CSMD1: variants seen among roughly 807,000 people sequenced by gnomAD.
CSMD1 encodes CUB and sushi domain-containing protein 1.
In CSMD1, 213 loss-of-function variants were observed where a neutral mutation model predicts 417.5. The observed-to-expected ratio is 0.51, with a 90% CI of 0.46 to 0.57. CSMD1 has a LOEUF of 0.57. Among genes scored for constraint, CSMD1 ranks in the 20% least tolerant of loss-of-function variants. The probability of loss-of-function intolerance (pLI) is 0.00; values close to 1 mark genes in which losing one functional copy is unlikely to be tolerated. For synonymous variants in CSMD1, 2,862 were observed against 1,736.8 expected (o/e 1.65, Z -16.11); for missense variants, 6,923 against 4,529.7 (o/e 1.53, Z -15.17).
intron 1 of CSMD1, among the ~76,000 whole-genome samples, chr8:4,959,967 T>G (rs1585411072): frequency 6.6e-6 from 1 of 152,184 alleles, no homozygotes; most frequent in African/African-American, 2.4e-5. Context: ...AATAGGAAAA[T>G]GTATTTTGTT....
At chr8:4,450,613 G>C (rs1002127225) in intron 2 of CSMD1, among the ~76,000 whole-genome samples, 4 of 152,096 alleles carry the variant, frequency 2.6e-5, no homozygotes, top group Non-Finnish European at 5.9e-5. Context: ...CCTGGTAACA[G>C]AGTGACACTC....
chr8:3,639,645 C>G (rs1380851061), intron 7 of CSMD1, among the ~76,000 whole-genome samples: 3 of 152,190 alleles, frequency 2.0e-5, no homozygotes, highest in Non-Finnish European at 2.9e-5. Flanking sequence ...CTCATTTGAA[C>G]ACTGTATCAA....
At chr8:4,553,842 G>T (rs1175372004) in intron 2 of CSMD1, among the ~76,000 whole-genome samples, 2 of 152,130 alleles carry the variant, frequency 1.3e-5, no homozygotes, top group Non-Finnish European at 2.9e-5. Context: ...TGGGTTAGCT[G>T]GGAAGACACA....
intron 1 of CSMD1, among the ~76,000 whole-genome samples, chr8:4,724,348 C>T (rs1472784038): frequency 6.6e-6 from 1 of 151,872 alleles, no homozygotes; most frequent in African/African-American, 2.4e-5. Context: ...CTAATAATGC[C>T]CATTAAAATA....
chr8:4,765,330 C>A (rs1251475116), intron 1 of CSMD1, among the ~76,000 whole-genome samples: 1 of 152,174 alleles, frequency 6.6e-6, no homozygotes, highest in African/African-American at 2.4e-5. Flanking sequence ...TGACTGGGAT[C>A]ATTTTCACTT....
intron 1 of CSMD1, among the ~76,000 whole-genome samples, chr8:4,757,034 T>C (rs569704192): frequency 3.3e-5 from 5 of 152,354 alleles, no homozygotes; most frequent in South Asian, 4.1e-4. Context: ...TTATACAATA[T>C]GCAGGAATGC....
intron 5 of CSMD1, among the ~76,000 whole-genome samples, chr8:3,885,295 T>C (rs1563177412): frequency 6.6e-6 from 1 of 152,172 alleles, no homozygotes; most frequent in Non-Finnish European, 1.5e-5. Context: ...AGAATCAATC[T>C]GACCTTTTCA....
intron 12 of CSMD1, among the ~76,000 whole-genome samples, chr8:3,444,421 T>C (rs1038707885): frequency 2.0e-5 from 3 of 152,214 alleles, no homozygotes; most frequent in Non-Finnish European, 4.4e-5. Flanking sequence ...TCATGAGTTC[T>C]TTCCTAACAA....
intron 3 of CSMD1, among the ~76,000 whole-genome samples, chr8:4,239,777 C>G (rs148699204): frequency 8.5e-5 from 13 of 152,124 alleles, no homozygotes; most frequent in African/African-American, 3.1e-4. Context: ...CTATCTTTCA[C>G]GTTAGTTCCA....
intron 28 of CSMD1, among the ~76,000 whole-genome samples, chr8:3,220,248 A>G (rs1471751123): frequency 2.0e-5 from 3 of 150,226 alleles, no homozygotes; most frequent in Non-Finnish European, 4.4e-5. Flanking sequence ...ATGTTTCACC[A>G]TCACTGAATA....
intron 1 of CSMD1, among the ~76,000 whole-genome samples, chr8:4,815,345 CTGTGGACAGAGCCAGCT>C (rs1799143583): frequency 6.6e-6 from 1 of 152,156 alleles, no homozygotes; most frequent in Non-Finnish European, 1.5e-5. Flanking sequence ...CACAGTCCCA[CTGTGGACAGAGCCAGCT>C]TGTGGACACG....
In CSMD1 at chr8:3,459,319, G is replaced by C. The variant is rs1011535210; in HGVS notation, c.1561+9393C>G. Among the ~76,000 whole-genome samples, 7 of 152,160 alleles carry C rather than the reference G, an allele frequency of 4.6e-5. No homozygotes were observed. The Middle Eastern group carries it at 9.5e-3, about 206-fold the overall frequency. ...GGCCGGTGTGTCCCTCACCCTGCTG[G>C]CTGACGTGGGGCACAGGGTACACAA... On this transcript the variant is annotated intron_variant, in intron 12 of 69. Coordinates refer to ENST00000635120, the MANE Select transcript of CSMD1 (RefSeq NM_033225.6).
intron 3 of CSMD1, among the ~76,000 whole-genome samples, chr8:4,295,236 GCA>G (rs1797603221): frequency 9.2e-6 from 1 of 108,246 alleles, no homozygotes; most frequent in African/African-American, 3.1e-5. Flanking sequence ...AAGATTATAT[GCA>G]CATATAATCT....
At chr8:4,319,662 G>A (rs186662916) in intron 3 of CSMD1, among the ~76,000 whole-genome samples, 6 of 152,176 alleles carry the variant, frequency 3.9e-5, no homozygotes, top group Middle Eastern at 3.4e-3. Flanking sequence ...GGAAAGAGAG[G>A]CCAGGGAACA....
intron 21 of CSMD1, among the ~76,000 whole-genome samples, chr8:3,351,824 T>G (rs914502371): frequency 6.6e-6 from 1 of 150,670 alleles, no homozygotes; most frequent in African/African-American, 2.4e-5. Flanking sequence ...ACTATTTAAT[T>G]TATATTTTAG....
At chr8:3,739,161 T>G (rs1796672325) in intron 6 of CSMD1, among the ~76,000 whole-genome samples, 1 of 152,202 alleles carries the variant, frequency 6.6e-6, no homozygotes, top group African/African-American at 2.4e-5. Flanking sequence ...ATGTTTGCAG[T>G]TAAAGTATCT....
chr8:3,717,578 T>C (rs1336644969), intron 6 of CSMD1, among the ~76,000 whole-genome samples: 1 of 152,166 alleles, frequency 6.6e-6, no homozygotes, highest in South Asian at 2.1e-4. Flanking sequence ...AATTTTTAAA[T>C]AATCAAGAAG....
chr8:3,398,757 G>C (rs1811853502), intron 16 of CSMD1, among the ~76,000 whole-genome samples: 1 of 152,126 alleles, frequency 6.6e-6, no homozygotes, highest in African/African-American at 2.4e-5. Context: ...TCAGTGTTGA[G>C]AGAAATGGGA....
At chr8:3,515,918 T>A (rs1394436170) in intron 10 of CSMD1, among the ~76,000 whole-genome samples, 3 of 152,206 alleles carry the variant, frequency 2.0e-5, no homozygotes, top group Non-Finnish European at 4.4e-5. Flanking sequence ...AGCAGAAGGC[T>A]AAAATAATGA....
Sources: gnomAD v4.1 joint callset for allele counts (sites outside exome capture counted in the v4.1 genomes callset) on GRCh38, gnomAD v4.1.1 for gene constraint, MANE v1.5 for transcripts, NCBI Gene and HGNC (gene_info 2026-07-23, HGNC 2026-07-21) for gene names.